MYO9A: variants seen among roughly 807,000 people sequenced by gnomAD.
MYO9A encodes unconventional myosin-IXa.
MYO9A carries 103 observed loss-of-function variants against 293.3 expected under a neutral mutation model. The ratio of observed to expected loss-of-function variants is 0.35; its 90% CI spans 0.30 to 0.41. The LOEUF is 0.41. Among genes scored for constraint, MYO9A ranks in the 10% least tolerant of loss-of-function variants. MYO9A has a pLI of 1.00. For synonymous variants in MYO9A, 1,001 were observed against 1,035.7 expected, an observed-to-expected ratio of 0.97 and a Z score of 0.64; for missense variants, 2,685 against 3,033.0, an observed-to-expected ratio of 0.89 and a Z score of 2.69.
intron 39 of MYO9A, among the ~76,000 whole-genome samples, chr15:71,841,159 C>A (rs2055144885): frequency 6.6e-6 from 1 of 152,128 alleles, no homozygotes; most frequent in African/African-American, 2.4e-5. Context: ...TTGAGTTTTG[C>A]ATGTATATAA....
chr15:71,869,562 A>G (rs1197004326), intron 32 of MYO9A, among the ~76,000 whole-genome samples: 2 of 152,208 alleles, frequency 1.3e-5, no homozygotes, highest in African/African-American at 4.8e-5. Context: ...AGTGGGATGA[A>G]TGGTGGAATC....
Position 71,854,371 on chromosome 15 carries a change from T to C in MYO9A, c.6346+6A>G. 1.3e-6 allele frequency: 2 copies of C among 1,532,302 alleles called. No homozygotes were observed. Among genetic ancestry groups the C allele is most frequent in the Non-Finnish European group, 8.7e-7 (1 of 1,143,082 alleles). The allele number at this position is 1,532,302 out of a possible 1,614,324, so 94.9% of individuals were successfully genotyped here. A position where few individuals can be genotyped will look rare whatever the true frequency, so the allele number is the denominator to read the frequency against. On this transcript the variant is annotated splice_donor_region_variant and intron_variant, in intron 35 of 41. Coordinates refer to ENST00000356056, the MANE Select transcript of MYO9A (RefSeq NM_006901.4). The stretch of plus-strand genomic sequence containing the variant: ...TTTCATTATGATTTAGAGGGCACTA[T>C]CTTACCTGTATCTAGACCCTGCCGA...
At chr15:72,093,417 T>C (rs1320060459) in intron 1 of MYO9A, among the ~76,000 whole-genome samples, 6 of 151,862 alleles carry the variant, frequency 4.0e-5, no homozygotes, top group Non-Finnish European at 5.9e-5. Context: ...GCACCTATCG[T>C]CCCTGCTACT....
chr15:71,925,258 C>CGTGTATGTACAT (rs1168579096), intron 18 of MYO9A, among the ~76,000 whole-genome samples: 1 of 147,238 alleles, frequency 6.8e-6, no homozygotes, highest in African/African-American at 2.5e-5. Context: ...TACGTATACA[C>CGTGTATGTACAT]ATATATACAT....
At chr15:71,840,835 G>A (rs915267229) in intron 39 of MYO9A, among the ~76,000 whole-genome samples, 14 of 152,274 alleles carry the variant, frequency 9.2e-5, no homozygotes, top group African/African-American at 2.9e-4. Context: ...GTTTCACCAC[G>A]TTAGCCAGGA....
chr15:71,901,364 G>C (rs374778886), intron 22 of MYO9A, 24 bp from the exon 23 acceptor site: 2 of 1,596,696 alleles, frequency 1.3e-6, no homozygotes, highest in East Asian at 2.2e-5. Context: ...GAAAGATGAG[G>C]AATGCAGCTT....
intron 14 of MYO9A, chr15:71,958,884 C>A (rs568938950): frequency 2.0e-5 from 3 of 152,030 alleles, no homozygotes; most frequent in Non-Finnish European, 2.9e-5. Context: ...ATTTTAAATG[C>A]CAAAGGAATA....
At chr15:71,886,346 A>G (rs544999155) in intron 27 of MYO9A, among the ~76,000 whole-genome samples, 1 of 152,176 alleles carries the variant, frequency 6.6e-6, no homozygotes, top group East Asian at 1.9e-4. Context: ...GTTTTCCCTA[A>G]GGGCTAGACA....
intron 13 of MYO9A, among the ~76,000 whole-genome samples, chr15:71,962,998 C>T (rs1463311925): frequency 1.3e-5 from 2 of 152,188 alleles, no homozygotes; most frequent in African/African-American, 4.8e-5. Context: ...CCATTTACCT[C>T]CTATACTGCC....
chr15:72,056,884 C>A (rs957539448), intron 1 of MYO9A, among the ~76,000 whole-genome samples: 2 of 151,888 alleles, frequency 1.3e-5, no homozygotes, highest in Non-Finnish European at 2.9e-5. Context: ...CTGAGGCGGG[C>A]GGATCACCTG....
At chr15:72,073,184 T>C (rs1252436083) in intron 1 of MYO9A, among the ~76,000 whole-genome samples, 2 of 152,236 alleles carry the variant, frequency 1.3e-5, no homozygotes, top group Non-Finnish European at 2.9e-5. Context: ...ACCTTTCAAG[T>C]GTGACCATCC....
Position 71,847,217 on chromosome 15 carries a change from C to G in MYO9A, c.6837+1628G>C, listed in dbSNP as rs535164747. Among the ~76,000 whole-genome samples the G allele has an allele frequency of 2.6e-5, 4 of 152,034 alleles. No individual in the cohort carries two copies. The East Asian group carries it at 7.7e-4, about 29-fold the overall frequency. On this transcript the variant is annotated intron_variant, in intron 39 of 41. Coordinates refer to ENST00000356056, the MANE Select transcript of MYO9A (RefSeq NM_006901.4). The stretch of plus-strand genomic sequence containing the variant: ...ATGGATGCTGTTCAACTACACAATA[C>G]AGAGGAAGGAAAATGAAGGATCTAA...
rs139360483 is a variant in MYO9A, at chr15:71,851,331, C to T, written c.6503G>A (p.Arg2168His). ...TTGATCAATCACAGAGTATACACCACGGATTGTCTCCTTCCTCTCCTGAAG... is the reference window on the plus strand; with the variant it reads ...TTGATCAATCACAGAGTATACACCATGGATTGTCTCCTTCCTCTCCTGAAG... Reference protein sequence around the residue: ...MGLQERKETIRGVYSVIDQLS... With the variant: ...MGLQERKETIHGVYSVIDQLS... Residue 2168 changes from arginine (R) to histidine (H), a missense_variant, in exon 37 of 42, where the codon CGT (arginine) becomes CAT (histidine). By Grantham distance (29) the Arg-to-His change is conservative. Around this residue, in one of 10 missense-constraint regions of MYO9A, gnomAD observed 238 missense variants for 269.1 expected, o/e 0.88. Coordinates refer to ENST00000356056, the MANE Select transcript of MYO9A (RefSeq NM_006901.4). The T allele has an allele frequency of 1.8e-5, 29 of 1,613,572 alleles. No individual in the cohort carries two copies. The highest frequency in any genetic ancestry group is 2.7e-5 in the African/African-American group (2 of 74,890).
At chr15:72,014,440 C>G (rs989196387) in intron 6 of MYO9A, among the ~76,000 whole-genome samples, 11 of 152,174 alleles carry the variant, frequency 7.2e-5, no homozygotes, top group African/African-American at 2.7e-4. Context: ...AATCCCAGCA[C>G]TTTGGGAGGC....
intron 1 of MYO9A, among the ~76,000 whole-genome samples, chr15:72,090,869 C>G (rs147697419): frequency 8.3e-4 from 126 of 151,912 alleles, no homozygotes; most frequent in African/African-American, 2.9e-3. Context: ...TATAAATAAA[C>G]AATGATTGGG....
Position 71,899,693 on chromosome 15 carries a change from C to G in MYO9A, c.3464G>C (p.Arg1155Thr). 6.2e-7 allele frequency: 1 copy of G among 1,610,996 alleles called. No individual in the cohort carries two copies. Among genetic ancestry groups the G allele is most frequent in the Non-Finnish European group, 8.5e-7 (1 of 1,178,452 alleles). Residue 1155 changes from arginine (R) to threonine (T), a missense_variant, in exon 24 of 42, where the codon AGA becomes ACA. Coordinates refer to ENST00000356056, the MANE Select transcript of MYO9A (RefSeq NM_006901.4). Reference sequence around the variant, plus strand: ...TTATAGTAATAGAGATTACCTTTGTCTTGCTCTGAATCCTCTACATGTTGA... The same window carrying G: ...TTATAGTAATAGAGATTACCTTTGTGTTGCTCTGAATCCTCTACATGTTGA... ...LQSTCRGFRA[R>T]QRFKALKEQR...
intron 1 of MYO9A, among the ~76,000 whole-genome samples, chr15:72,084,208 A>T (rs2079641367): frequency 6.6e-6 from 1 of 152,054 alleles, no homozygotes; most frequent in African/African-American, 2.4e-5. Context: ...AGGATAGTTA[A>T]TTCTCTTGTT....
chr15:71,874,424 A>T (rs1021232080), intron 32 of MYO9A, among the ~76,000 whole-genome samples: 2 of 152,144 alleles, frequency 1.3e-5, no homozygotes, highest in African/African-American at 2.4e-5. Flanking sequence ...AAACAGAAGG[A>T]ACCAGGGGGA....
At chr15:71,931,357 C>T (rs1406407858) in intron 18 of MYO9A, among the ~76,000 whole-genome samples, 1 of 152,116 alleles carries the variant, frequency 6.6e-6, no homozygotes, top group Non-Finnish European at 1.5e-5. Context: ...TTTTGAAAGA[C>T]AAAATTGCTG....
Sources: gnomAD v4.1 joint callset for allele counts (sites outside exome capture counted in the v4.1 genomes callset) on GRCh38, gnomAD v4.1.1 for gene constraint, gnomAD v4.1.1 regional missense constraint, MANE v1.5 for transcripts, NCBI Gene and HGNC (gene_info 2026-07-23, HGNC 2026-07-21) for gene names.